Variants in TRAF7 observed in about 807,000 individuals in gnomAD.
The protein encoded by TRAF7 is E3 ubiquitin-protein ligase TRAF7.
Under a neutral mutation model 89.3 loss-of-function variants are expected in TRAF7, and 45 were observed. The ratio of observed to expected loss-of-function variants is 0.50; its 90% CI spans 0.40 to 0.65. TRAF7 has a LOEUF of 0.65. TRAF7 is among the 30% of genes least tolerant of loss of function. TRAF7 has a pLI of 0.00. For synonymous variants in TRAF7, 406 were observed against 369.2 expected, an observed-to-expected ratio of 1.10 and a Z score of -1.14; for missense variants, 677 against 918.1, an observed-to-expected ratio of 0.74 and a Z score of 3.39.
rs1567246901 is a variant in TRAF7, at chr16:2,163,949, A to G, written c.29A>G (p.Asn10Ser). The G allele has an allele frequency of 6.2e-7, 1 of 1,612,394 alleles. No individual in the cohort carries two copies. Residue 10 changes from asparagine (N) to serine (S), a missense_variant, in exon 2 of 21, where the codon AAC (asparagine) becomes AGC (serine). Around this residue, in one of 6 missense-constraint regions of TRAF7, gnomAD observed 240 missense variants for 191.9 expected, o/e 1.25. Transcript: ENST00000326181. The surrounding 1 kb of genome is among the most constrained non-coding windows in gnomAD (Gnocchi z 4.3). ...AGCTCAGGCAAGAGTGCCCGCTACA[A>G]CCGCTTCTCCGGGGGGCCCAGCAAT... MSSGKSARY[N>S]RFSGGPSNLP...
chr16:2,177,661 G>C lies in TRAF7; in HGVS notation c.*1087G>C, dbSNP rs2093144831. ...GGCCAGGCACACCCTCAGAGGAGCT[G>C]CAAGCCCGTGGCCTGGCCTGCTACA... On this transcript the variant is annotated 3_prime_UTR_variant, in exon 21 of 21. Transcript: ENST00000326181. 8.4e-6 allele frequency: 2 copies of C among 239,132 alleles called. No homozygotes were observed. Among genetic ancestry groups the C allele is most frequent in the Admixed American group, 1.1e-4 (2 of 18,488 alleles). 14.8% of individuals were successfully genotyped at this position (239,132 alleles called of 1,614,324 possible). A position where few individuals can be genotyped will look rare whatever the true frequency, so the allele number is the denominator to read the frequency against.
At chr16:2,172,808 G>A (rs564500993) in intron 9 of TRAF7, among the ~76,000 whole-genome samples, 6 of 152,018 alleles carry the variant, frequency 3.9e-5, no homozygotes, top group South Asian at 4.1e-4. Context: ...TCCCGCAGCC[G>A]GCCCAGCATG....
chr16:2,176,907 T>A lies in TRAF7; in HGVS notation c.*333T>A. The A allele has an allele frequency of 4.0e-6, 2 of 498,492 alleles. No individual in the cohort carries two copies. Among genetic ancestry groups the A allele is most frequent in the South Asian group, 4.3e-5 (2 of 46,638 alleles). 30.9% of individuals were successfully genotyped at this position (498,492 alleles called of 1,614,324 possible). On this transcript the variant is annotated 3_prime_UTR_variant, in exon 21 of 21. Transcript: ENST00000326181. ...TAGACTGTATGTAGATTTGGTTACC[T>A]CCTGGTTGAAATAAATGCTCCACAG...
rs2093147757 is a variant in TRAF7, at chr16:2,177,951, GC to G, written c.*1379del. On this transcript the variant is annotated 3_prime_UTR_variant, in exon 21 of 21. Coordinates refer to ENST00000326181, the MANE Select transcript of TRAF7 (RefSeq NM_032271.3). ...GAAGGACCGCAGGCAGACAGCCTGGGCCTCTAACAGCTTTTGTCCGGAGCTA... is the reference window on the plus strand; with the variant it reads ...GAAGGACCGCAGGCAGACAGCCTGGGCTCTAACAGCTTTTGTCCGGAGCTA... The G allele has an allele frequency of 2.8e-6, 1 of 362,762 alleles. No individual in the cohort carries two copies. The highest frequency in any genetic ancestry group is 2.2e-5 in the African/African-American group (1 of 46,194). 22.5% of individuals were successfully genotyped at this position (362,762 alleles called of 1,614,324 possible).
At chr16:2,166,509 G>A (rs1425319864) in intron 3 of TRAF7, among the ~76,000 whole-genome samples, 2 of 152,096 alleles carry the variant, frequency 1.3e-5, no homozygotes, top group Non-Finnish European at 2.9e-5. Flanking sequence ...CCTGGGATCA[G>A]TCCTGCCACC....
In TRAF7 at chr16:2,175,080, C is replaced by T. The variant is rs202179027; in HGVS notation, c.1347-31C>T. 115 of 1,613,754 alleles carry T rather than the reference C, an allele frequency of 7.1e-5. No individual in the cohort carries two copies. The East Asian group carries it at 2.5e-3, about 34-fold the overall frequency. ...GGTGTCAGCATGGACACAGCTTCTC[C>T]CACCTTGACACATTGTCTCTGCTTC... On this transcript the variant is annotated intron_variant, in intron 14 of 20. Coordinates refer to ENST00000326181, the MANE Select transcript of TRAF7 (RefSeq NM_032271.3).
chr16:2,159,913 G>A lies in TRAF7; in HGVS notation c.-38-3970G>A, dbSNP rs961924065. ...CCCCCCAGGCTGCTGCCAAGTGGGC[G>A]GGGACCCCTGACCCAGACCCCCTCC... On this transcript the variant is annotated intron_variant, in intron 1 of 20. Coordinates refer to ENST00000326181, the MANE Select transcript of TRAF7 (RefSeq NM_032271.3). This position sits in a 1 kb window ranked among gnomAD's most constrained non-coding sequence, Gnocchi z 6.5. 1.3e-5 allele frequency among the ~76,000 whole-genome samples: 2 copies of A among 152,220 alleles called. No homozygotes were observed. Among genetic ancestry groups the A allele is most frequent in the Admixed American group, 6.5e-5 (1 of 15,288 alleles).
rs2093050537 is a variant in TRAF7 at position 2,159,887 on chromosome 16, GC to G, written c.-38-3990del. ...GCCCCCATCTCCCCCACTCAGCAGG[GC>G]CCCCCAGGCTGCTGCCAAGTGGGCG... On this transcript the variant is annotated intron_variant, in intron 1 of 20. Transcript: ENST00000326181. The surrounding 1 kb of genome is among the most constrained non-coding windows in gnomAD (Gnocchi z 6.5). Among the ~76,000 whole-genome samples, 1 of 152,240 alleles carries G rather than the reference GC, an allele frequency of 6.6e-6. No individual in the cohort carries two copies. Among genetic ancestry groups the G allele is most frequent in the South Asian group, 2.1e-4 (1 of 4,838 alleles).
chr16:2,168,142 T>C lies in TRAF7; in HGVS notation c.205T>C (p.Ser69Pro), dbSNP rs765305848. 14 of 1,611,714 alleles carry C rather than the reference T, an allele frequency of 8.7e-6. No individual in the cohort carries two copies. In the South Asian group the frequency reaches 8.8e-5, roughly 10 times the overall value. Residue 69 changes from serine (S) to proline (P), a missense_variant, in exon 4 of 21, where the codon TCC becomes CCC. This residue lies in a region of TRAF7 where 240 missense variants were observed against 191.9 expected (regional missense o/e 1.25). Coordinates refer to ENST00000326181, the MANE Select transcript of TRAF7 (RefSeq NM_032271.3). The surrounding 1 kb of genome is among the most constrained non-coding windows in gnomAD (Gnocchi z 4.1). ...TPSSSSTLAY[S>P]PRDEEDSMPP... ...CTCCTCCTCCAGCACCCTTGCCTACTCCCCGCGGGACGAGGAGGACAGCAT... is the reference window on the plus strand; with the variant it reads ...CTCCTCCTCCAGCACCCTTGCCTACCCCCCGCGGGACGAGGAGGACAGCAT...
In TRAF7 at chr16:2,162,009, G is replaced by A. The variant is rs2141267829; in HGVS notation, c.-38-1874G>A. 6.6e-6 allele frequency among the ~76,000 whole-genome samples: 1 copy of A among 152,328 alleles called. No homozygotes were observed. Among genetic ancestry groups the A allele is most frequent in the East Asian group, 1.9e-4 (1 of 5,172 alleles). On this transcript the variant is annotated intron_variant, in intron 1 of 20. Transcript: ENST00000326181. The surrounding 1 kb of genome is among the most constrained non-coding windows in gnomAD (Gnocchi z 5.0). ...GAGAGCCTAGTCTGGGTCACACAGGGCCAAGCCCCTCGAGTCGCAGTGGGG... is the reference window on the plus strand; with the variant it reads ...GAGAGCCTAGTCTGGGTCACACAGGACCAAGCCCCTCGAGTCGCAGTGGGG...
At position 2,171,358 on chromosome 16, in the gene TRAF7, T is replaced by C. The variant is rs1463289681; in HGVS notation, c.441+2T>C. ...GACCCCGTGATCACCACGTGTGGGG[T>C]GAGCCCGCCGCCCTTCCCAGCCCCC... is the stretch of plus-strand genomic sequence containing the variant. On this transcript the variant is annotated splice_donor_variant, in intron 6 of 20. Transcript: ENST00000326181. LOFTEE classifies it high-confidence loss of function. 6.5e-7 allele frequency: 1 copy of C among 1,548,392 alleles called. No individual in the cohort carries two copies. The highest frequency in any genetic ancestry group is 2.0e-5 in the Admixed American group (1 of 51,266).
At chr16:2,171,434 G>C in intron 6 of TRAF7, 78 bp downstream of exon 6, 1 of 1,532,644 alleles carries the variant, frequency 6.5e-7, no homozygotes, top group Non-Finnish European at 8.8e-7. Context: ...GGCCGGGGCT[G>C]TGGCGCCCTG....
intron 7 of TRAF7, 33 bp downstream of exon 7, chr16:2,171,638 G>T (rs202079758): frequency 1.9e-6 from 3 of 1,612,966 alleles, no homozygotes; most frequent in East Asian, 2.2e-5. Flanking sequence ...GCCTGACGCC[G>T]ACCGTGCCCA....
At position 2,165,927 on chromosome 16, in the gene TRAF7, A is replaced by G; in HGVS notation, c.130A>G (p.Ile44Val). The G allele has an allele frequency of 1.2e-6, 2 of 1,614,122 alleles. No homozygotes were observed. Among genetic ancestry groups the G allele is most frequent in the African/African-American group, 1.3e-5 (1 of 75,062 alleles). The change falls in exon 3 of 21, where the codon ATC becomes GTC. Residue 44 changes from isoleucine to valine, a missense_variant. By Grantham distance (29) the Ile-to-Val change is conservative. Around this residue, in one of 6 missense-constraint regions of TRAF7, gnomAD observed 240 missense variants for 191.9 expected, o/e 1.25. Coordinates refer to ENST00000326181, the MANE Select transcript of TRAF7 (RefSeq NM_032271.3). ...ACCCGCCTTTTCAGCCGTCACCACC[A>G]TCACAAAAGGTGAGCCCTTAAGCCA... ...FGPAFSAVTT[I>V]TKADGTSTYK...
chr16:2,167,322 C>G (rs543048674), intron 3 of TRAF7, among the ~76,000 whole-genome samples: 1 of 139,822 alleles, frequency 7.2e-6, no homozygotes, highest in South Asian at 2.2e-4. Flanking sequence ...ACGGCAGCCT[C>G]TCGAGGCCTC....
At chr16:2,165,809 G>A (rs2093083942) in intron 2 of TRAF7, 70 bp from the exon 3 acceptor site, 1 of 1,582,808 alleles carries the variant, frequency 6.3e-7, no homozygotes, top group East Asian at 2.2e-5. Flanking sequence ...AGGCATGTGA[G>A]TGGGCTCCAC....
rs1219094121 is a variant in TRAF7 at position 2,177,665 on chromosome 16, G to T, written c.*1091G>T. On this transcript the variant is annotated 3_prime_UTR_variant, in exon 21 of 21. Transcript: ENST00000326181. ...AGGCACACCCTCAGAGGAGCTGCAA[G>T]CCCGTGGCCTGGCCTGCTACATGCC... 2.5e-5 allele frequency: 6 copies of T among 239,236 alleles called. 1 individual carries two copies. The highest frequency in any genetic ancestry group is 1.3e-4 in the African/African-American group (6 of 45,304). The allele number at this position is 239,236 out of a possible 1,614,324, so 14.8% of individuals were successfully genotyped here.
At position 2,175,147 on chromosome 16, in the gene TRAF7, C is replaced by T; in HGVS notation, c.1383C>T (p.Ile461=). The T allele has an allele frequency of 1.2e-6, 2 of 1,613,792 alleles. No homozygotes were observed. The highest frequency in any genetic ancestry group is 1.7e-6 in the Non-Finnish European group (2 of 1,179,960). Residue 461 remains isoleucine, a synonymous_variant, in exon 15 of 21, where the codon ATC becomes ATT. Coordinates refer to ENST00000326181, the MANE Select transcript of TRAF7 (RefSeq NM_032271.3). ...KLYSGSADCT[I]IVWDIQNLQK... Reference sequence around the variant, plus strand: ...ACAGCGGCTCTGCAGACTGCACCATCATTGTGAGTGGGGCCTACAGGCGGG... The same window carrying T: ...ACAGCGGCTCTGCAGACTGCACCATTATTGTGAGTGGGGCCTACAGGCGGG...
chr16:2,171,155 C>G, intron 5 of TRAF7, 109 bp from the exon 6 acceptor site: 1 of 869,380 alleles, frequency 1.2e-6, no homozygotes, highest in Middle Eastern at 2.9e-4. Flanking sequence ...GGACGTGACC[C>G]TGTCCTCAGA....
Sources: gnomAD v4.1 joint callset for allele counts (sites outside exome capture counted in the v4.1 genomes callset) on GRCh38, gnomAD v4.1.1 for gene constraint, gnomAD v4.1.1 regional missense constraint, Gnocchi (gnomAD v3.1) non-coding constraint, MANE v1.5 for transcripts, NCBI Gene and HGNC (gene_info 2026-07-23, HGNC 2026-07-21) for gene names.